The following ZNF431 variants were observed in gnomAD, a reference collection of about 807,000 sequenced individuals.
ZNF431 encodes the protein zinc finger protein 431.
ZNF431 carries 34 observed loss-of-function variants against 57.0 expected under a neutral mutation model. The ratio of observed to expected loss-of-function variants is 0.60; its 90% CI spans 0.45 to 0.79. The LOEUF is 0.79. Among genes scored for constraint, ZNF431 ranks in the 30% least tolerant of loss-of-function variants. ZNF431 has a pLI of 0.00. For synonymous variants in ZNF431, 207 were observed against 220.3 expected, an observed-to-expected ratio of 0.94 and a Z score of 0.54; for missense variants, 607 against 667.1, an observed-to-expected ratio of 0.91 and a Z score of 0.99.
At position 21,183,730 on chromosome 19, in the gene ZNF431, G is replaced by A. The variant is rs750213721; in HGVS notation, c.1427G>A (p.Arg476Lys). Reference sequence around the variant, plus strand: ...TCATCAATCCTTACTACACATAAGAGAATTCACACTGGAGAGAAACCCTAC... The same window carrying A: ...TCATCAATCCTTACTACACATAAGAAAATTCACACTGGAGAGAAACCCTAC... ...SQSSILTTHK[R>K]IHTGEKPYKC... The change falls in exon 5 of 5, where the codon AGA becomes AAA. Residue 476 changes from arginine to lysine, a missense_variant. By Grantham distance (26) the Arg-to-Lys change is conservative. Coordinates refer to ENST00000311048, the MANE Select transcript of ZNF431 (RefSeq NM_133473.4). 84 of 1,608,476 alleles carry A rather than the reference G, an allele frequency of 5.2e-5. 1 individual carries two copies. In the African/African-American group the frequency reaches 9.4e-4, roughly 18 times the overall value.
intron 2 of ZNF431, among the ~76,000 whole-genome samples, chr19:21,148,169 G>A (rs1342972507): frequency 6.6e-6 from 1 of 151,856 alleles, no homozygotes; most frequent in Admixed American, 6.6e-5. Context: ...TAATTTTTTT[G>A]TATCTTTAGT....
chr19:21,164,473 G>A (rs1246769748), intron 2 of ZNF431, among the ~76,000 whole-genome samples: 1 of 152,094 alleles, frequency 6.6e-6, no homozygotes, highest in East Asian at 1.9e-4. Flanking sequence ...CTGTTATAAA[G>A]GAGAGAAATG....
chr19:21,164,745 T>G (rs1232356899), intron 2 of ZNF431, among the ~76,000 whole-genome samples: 1 of 152,058 alleles, frequency 6.6e-6, no homozygotes, highest in Non-Finnish European at 1.5e-5. Flanking sequence ...TCTCTGCTTG[T>G]GTTTTTCCTC....
intron 4 of ZNF431, among the ~76,000 whole-genome samples, chr19:21,179,163 T>G (rs1270778907): frequency 6.6e-6 from 1 of 152,168 alleles, no homozygotes; most frequent in Non-Finnish European, 1.5e-5. Flanking sequence ...ACAGAGGTGT[T>G]TATAGTATTT....
rs531795693 is a variant in ZNF431 at position 21,186,083 on chromosome 19, G to A, written c.*2049G>A. Reference sequence around the variant, plus strand: ...GTGGATCTTGAGGTCAGCAGTTCGAGACCAGCATGGCCAATATGGAGAAAT... The same window carrying A: ...GTGGATCTTGAGGTCAGCAGTTCGAAACCAGCATGGCCAATATGGAGAAAT... On this transcript the variant is annotated 3_prime_UTR_variant, in exon 5 of 5. Transcript: ENST00000311048. The A allele has an allele frequency of 1.3e-5, 2 of 152,118 alleles. No homozygotes were observed. The highest frequency in any genetic ancestry group is 2.4e-5 in the African/African-American group (1 of 41,520). The allele number at this position is 152,118 out of a possible 1,614,324, so 9.4% of individuals were successfully genotyped here.
At chr19:21,163,004 A>G (rs1182099366) in intron 2 of ZNF431, among the ~76,000 whole-genome samples, 1 of 152,150 alleles carries the variant, frequency 6.6e-6, no homozygotes, top group East Asian at 1.9e-4. Context: ...TTTATTTTTA[A>G]AAATGACAGA....
Position 21,192,695 on chromosome 19 carries a change from T to C in ZNF431, c.*8661T>C, listed in dbSNP as rs1177707928. On this transcript the variant is annotated 3_prime_UTR_variant, in exon 5 of 5. Coordinates refer to ENST00000311048, the MANE Select transcript of ZNF431 (RefSeq NM_133473.4). ...TCTTAGAGTAAAAGCTTACAACATA[T>C]CCCTGTTTAGTATGTTGTTAGCAGT... 3.9e-5 allele frequency: 6 copies of C among 152,188 alleles called. No individual in the cohort carries two copies. Among genetic ancestry groups the C allele is most frequent in the Non-Finnish European group, 7.3e-5 (5 of 68,032 alleles). The allele number at this position is 152,188 out of a possible 1,614,324, so 9.4% of individuals were successfully genotyped here.
In ZNF431 at chr19:21,182,679, T is replaced by G. The variant is rs1223310700; in HGVS notation, c.376T>G (p.Phe126Val). ...LWPEQDIKDS[F>V]QQVILRRYGK... ...GCCAGAGCAAGACATAAAAGATTCT[T>G]TTCAACAAGTAATACTGAGAAGATA... Residue 126 changes from phenylalanine to valine, a missense_variant, in exon 5 of 5, where the codon TTT becomes GTT. Coordinates refer to ENST00000311048, the MANE Select transcript of ZNF431 (RefSeq NM_133473.4). 12 of 1,613,102 alleles carry G rather than the reference T, an allele frequency of 7.4e-6. No homozygotes were observed. The highest frequency in any genetic ancestry group is 1.0e-5 in the Non-Finnish European group (12 of 1,179,670).
At chr19:21,158,440 C>T (rs927515610) in intron 2 of ZNF431, among the ~76,000 whole-genome samples, 11 of 152,224 alleles carry the variant, frequency 7.2e-5, no homozygotes, top group African/African-American at 2.4e-4. Context: ...CCTCATGATC[C>T]GCCCACCTCG....
At chr19:21,145,201 T>G (rs1970048653) in intron 2 of ZNF431, among the ~76,000 whole-genome samples, 1 of 152,116 alleles carries the variant, frequency 6.6e-6, no homozygotes, top group South Asian at 2.1e-4. Context: ...GGCCCACCTA[T>G]GCGGTGGCTC....
chr19:21,193,228 C>G lies in ZNF431; in HGVS notation c.*9194C>G, dbSNP rs777886548. 6.6e-6 allele frequency: 1 copy of G among 152,132 alleles called. No individual in the cohort carries two copies. The highest frequency in any genetic ancestry group is 1.5e-5 in the Non-Finnish European group (1 of 68,004). 9.4% of individuals were successfully genotyped at this position (152,132 alleles called of 1,614,324 possible). A position where few individuals can be genotyped will look rare whatever the true frequency, so the allele number is the denominator to read the frequency against. ...ATCCAGGTGGAGTTCCACCCTAACT[C>G]ATTATATAAAATCTGTATCGCTGCA... is the stretch of plus-strand genomic sequence containing the variant. On this transcript the variant is annotated 3_prime_UTR_variant, in exon 5 of 5. Transcript: ENST00000311048.
Position 21,195,304 on chromosome 19 carries a change from T to G in ZNF431, c.*11270T>G, listed in dbSNP as rs1269195977. The G allele has an allele frequency of 6.6e-6, 1 of 152,232 alleles. No individual in the cohort carries two copies. Among genetic ancestry groups the G allele is most frequent in the East Asian group, 1.9e-4 (1 of 5,204 alleles). 9.4% of individuals were successfully genotyped at this position (152,232 alleles called of 1,614,324 possible). ...AAAATCTGCCTTAAAATTTGATACCTGGTAACTTCTCTCTGTGAGTTTTGA... is the reference window on the plus strand; with the variant it reads ...AAAATCTGCCTTAAAATTTGATACCGGGTAACTTCTCTCTGTGAGTTTTGA... On this transcript the variant is annotated 3_prime_UTR_variant, in exon 5 of 5. Coordinates refer to ENST00000311048, the MANE Select transcript of ZNF431 (RefSeq NM_133473.4).
chr19:21,161,333 G>T (rs1970559688), intron 2 of ZNF431, among the ~76,000 whole-genome samples: 1 of 152,104 alleles, frequency 6.6e-6, no homozygotes, highest in African/African-American at 2.4e-5. Context: ...CACTTTTTTT[G>T]TATTGTTGTG....
At chr19:21,155,033 C>A (rs1970380948) in intron 2 of ZNF431, among the ~76,000 whole-genome samples, 2 of 152,156 alleles carry the variant, frequency 1.3e-5, no homozygotes, top group South Asian at 4.1e-4. Flanking sequence ...AATTAGATCC[C>A]ATTTGTCAAT....
At chr19:21,151,522 A>C (rs1970272574) in intron 2 of ZNF431, among the ~76,000 whole-genome samples, 1 of 152,210 alleles carries the variant, frequency 6.6e-6, no homozygotes, top group African/African-American at 2.4e-5. Flanking sequence ...CAAATGGTAA[A>C]GCTCACCCAA....
At position 21,143,610 on chromosome 19, in the gene ZNF431, G is replaced by A. The variant is rs1970001851; in HGVS notation, c.63G>A (p.Glu21=). The A allele has an allele frequency of 6.2e-7, 1 of 1,613,892 alleles. No individual in the cohort carries two copies. Residue 21 remains glutamate, a synonymous_variant, in exon 2 of 5, where the codon GAG becomes GAA. Transcript: ENST00000311048. ...LKEASGCPGA[E]RNLLVYSYFE... The stretch of plus-strand genomic sequence containing the variant: ...AAGCAAGTGGATGCCCTGGGGCTGA[G>A]AGGAATCTTCTAGTTTACTCTTATT...
chr19:21,180,256 A>C lies in ZNF431; in HGVS notation c.320-2367A>C, dbSNP rs567904662. Among the ~76,000 whole-genome samples the C allele has an allele frequency of 4.8e-3, 732 of 152,220 alleles. 6 individuals are homozygous for C. The highest frequency in any genetic ancestry group is 0.017 in the African/African-American group (722 of 41,524). On this transcript the variant is annotated intron_variant, in intron 4 of 4. Transcript: ENST00000311048. ...GCTTATTTTGCAGAGTTGTTGATGT[A>C]GTTGTTTTATAGCATAATTGATCTT... is the stretch of plus-strand genomic sequence containing the variant.
rs939088046 is a variant in ZNF431, at chr19:21,187,631, G to A, written c.*3597G>A. On this transcript the variant is annotated 3_prime_UTR_variant, in exon 5 of 5. Transcript: ENST00000311048. The stretch of plus-strand genomic sequence containing the variant: ...CGCATGCCTGTAATCCCAGCTACTC[G>A]GGAGACTGAGGCAGGAGAATCGCTT... 7 of 151,974 alleles carry A rather than the reference G, an allele frequency of 4.6e-5. No homozygotes were observed. Among genetic ancestry groups the A allele is most frequent in the African/African-American group, 7.3e-5 (3 of 41,358 alleles). The allele number at this position is 151,974 out of a possible 1,614,324, so 9.4% of individuals were successfully genotyped here.
chr19:21,182,931 GGC>G lies in ZNF431; in HGVS notation c.629_630del (p.Gly210GlufsTer13), dbSNP rs761948778. ...GKKPFKCKKC[G>X]KSFCMLLHLS... is the part of the protein sequence containing the mutation. ...GAAACCTTTCAAATGTAAAAAATGT[GGC>G]AAATCATTTTGCATGCTTTTACACC... On this transcript the variant is annotated frameshift_variant, in exon 5 of 5. Transcript: ENST00000311048. LOFTEE classifies it high-confidence loss of function. 4.6e-5 allele frequency: 75 copies of G among 1,613,976 alleles called. No individual in the cohort carries two copies. Among genetic ancestry groups the G allele is most frequent in the Non-Finnish European group, 6.2e-5 (73 of 1,179,940 alleles).
Sources: gnomAD v4.1 joint callset for allele counts (sites outside exome capture counted in the v4.1 genomes callset) on GRCh38, gnomAD v4.1.1 for gene constraint, MANE v1.5 for transcripts, NCBI Gene and HGNC (gene_info 2026-07-23, HGNC 2026-07-21) for gene names.